Variants in SGCD observed in about 807,000 individuals in gnomAD.
SGCD encodes the protein sarcoglycan delta, also known as delta-sarcoglycan.
A neutral mutation model predicts 36.6 loss-of-function variants in SGCD; 18 were observed. The ratio of observed to expected loss-of-function variants is 0.49; its 90% CI spans 0.34 to 0.73. SGCD has a LOEUF of 0.73. SGCD is among the 30% of genes least tolerant of loss of function. SGCD has a pLI of 0.01. For missense variants in SGCD, 387 were observed against 346.7 expected, an observed-to-expected ratio of 1.12 and a Z score of -0.92; for synonymous variants, 133 against 130.6, an observed-to-expected ratio of 1.02 and a Z score of -0.12.
chr5:155,799,514 CT>C, the SGCD span, among the ~76,000 whole-genome samples: 9 of 151,996 alleles, frequency 5.9e-5, no homozygotes, highest in Middle Eastern at 0.01. Context: ...CCACTTGATC[CT>C]CTTGAATAGC....
chr5:155,911,319 G>GTGTGTGTC (rs145927722), intron 1 of SGCD, among the ~76,000 whole-genome samples: 24 of 141,444 alleles, frequency 1.7e-4, no homozygotes, highest in Non-Finnish European at 3.4e-4. Flanking sequence ...GTGTGTGTGT[G>GTGTGTGTC]TATATATATA....
In SGCD at chr5:156,587,432, C is replaced by T. The variant is rs149905345; in HGVS notation, c.295-1799C>T. Among the ~76,000 whole-genome samples, 24 of 152,248 alleles carry T rather than the reference C, an allele frequency of 1.6e-4. No homozygotes were observed. In the East Asian group the frequency reaches 4.6e-3, roughly 29 times the overall value. On this transcript the variant is annotated intron_variant, in intron 4 of 8. Transcript: ENST00000337851. ...GTCAGCCACATCACATCAAAACAGG[C>T]TGTGATGATATGGTTGCTATCAAAT... is the stretch of plus-strand genomic sequence containing the variant.
At chr5:155,739,951 T>C in the SGCD span, among the ~76,000 whole-genome samples, 1 of 152,236 alleles carries the variant, frequency 6.6e-6, no homozygotes, top group Non-Finnish European at 1.5e-5. Flanking sequence ...GAATTACTAC[T>C]AGACAATTCT....
chr5:156,469,405 C>G (rs1321323617), intron 3 of SGCD, among the ~76,000 whole-genome samples: 1 of 152,158 alleles, frequency 6.6e-6, no homozygotes, highest in Non-Finnish European at 1.5e-5. Context: ...AAATCATTCC[C>G]TAAAATTAGT....
chr5:156,208,680 G>T (rs1764355370), intron 3 of SGCD, among the ~76,000 whole-genome samples: 1 of 152,130 alleles, frequency 6.6e-6, no homozygotes, highest in South Asian at 2.1e-4. Flanking sequence ...GATACTTATT[G>T]TGTTTGGTCT....
the SGCD span, among the ~76,000 whole-genome samples, chr5:155,805,097 T>C: frequency 6.6e-6 from 1 of 152,204 alleles, no homozygotes; most frequent in Non-Finnish European, 1.5e-5. Flanking sequence ...TAGTAGCTAC[T>C]GTATTAGAAA....
At chr5:156,530,840 A>T (rs888364099) in intron 4 of SGCD, among the ~76,000 whole-genome samples, 3 of 151,468 alleles carry the variant, frequency 2.0e-5, no homozygotes, top group Non-Finnish European at 4.4e-5. Context: ...GGCCTCCCAA[A>T]GTGCTGGGAT....
chr5:156,079,778 C>T (rs148875073), intron 1 of SGCD, among the ~76,000 whole-genome samples: 127 of 149,676 alleles, frequency 8.5e-4, no homozygotes, highest in African/African-American at 2.9e-3. Context: ...TTTTAGCTTC[C>T]ACAGCTGCTC....
At chr5:156,056,264 C>T (rs1317114005) in intron 1 of SGCD, among the ~76,000 whole-genome samples, 1 of 145,958 alleles carries the variant, frequency 6.9e-6, no homozygotes, top group Non-Finnish European at 1.5e-5. Context: ...TAGTTTAACT[C>T]TGAAACAAAG....
Position 156,647,468 on chromosome 5 carries a change from G to T in SGCD, c.507G>T (p.Ala169=), listed in dbSNP as rs10071079. The T allele has an allele frequency of 1.3e-6, 2 of 1,580,182 alleles. No homozygotes were observed. Among genetic ancestry groups the T allele is most frequent in the Non-Finnish European group, 1.7e-6 (2 of 1,160,452 alleles). ...VGAERLRVLG[A]EGTVFPKSIE... Reference sequence around the variant, plus strand: ...GCTTTTCTGTTTTGTTTACAGGAGCGGAGGGCACAGTGTTCCCTAAATCTA... The same window carrying T: ...GCTTTTCTGTTTTGTTTACAGGAGCTGAGGGCACAGTGTTCCCTAAATCTA... Residue 169 remains alanine, a synonymous_variant, in exon 7 of 9, where the codon GCG becomes GCT. Coordinates refer to ENST00000337851, the MANE Select transcript of SGCD (RefSeq NM_000337.6).
chr5:156,404,191 A>G (rs1772296956), intron 3 of SGCD, among the ~76,000 whole-genome samples: 1 of 152,158 alleles, frequency 6.6e-6, no homozygotes, highest in African/African-American at 2.4e-5. Flanking sequence ...ATTCTTAAGA[A>G]TGTTGTTCCC....
chr5:155,769,245 G>A, the SGCD span, among the ~76,000 whole-genome samples: 1 of 152,090 alleles, frequency 6.6e-6, no homozygotes, highest in Admixed American at 6.6e-5. Context: ...ATGCTAGAAT[G>A]TATTCCAAAC....
At chr5:156,252,356 C>T (rs373714209) in intron 3 of SGCD, among the ~76,000 whole-genome samples, 94 of 152,142 alleles carry the variant, frequency 6.2e-4, no homozygotes, top group African/African-American at 2.0e-3. Context: ...AGATTACAGG[C>T]GTGAGCCACT....
intron 7 of SGCD, among the ~76,000 whole-genome samples, chr5:156,721,184 G>A (rs1480547027): frequency 1.3e-5 from 2 of 152,150 alleles, no homozygotes; most frequent in African/African-American, 4.8e-5. Context: ...TTAAGTTTGA[G>A]ATGTTTTAAG....
intron 3 of SGCD, among the ~76,000 whole-genome samples, chr5:156,453,842 T>A (rs1754134571): frequency 6.6e-6 from 1 of 152,180 alleles, no homozygotes; most frequent in Non-Finnish European, 1.5e-5. Flanking sequence ...ACCATTACAC[T>A]TCATGAAAGA....
intron 6 of SGCD, among the ~76,000 whole-genome samples, chr5:156,616,504 T>G (rs1410139153): frequency 6.6e-6 from 1 of 152,216 alleles, no homozygotes; most frequent in African/African-American, 2.4e-5. Context: ...TGGATGGTTG[T>G]ATATGAGACA....
At chr5:156,286,681 G>T (rs1037887037) in intron 3 of SGCD, among the ~76,000 whole-genome samples, 1 of 152,136 alleles carries the variant, frequency 6.6e-6, no homozygotes, top group Non-Finnish European at 1.5e-5. Flanking sequence ...TTGTGGGTTG[G>T]GGGAGTGGGG....
At chr5:155,855,792 A>T in the SGCD span, among the ~76,000 whole-genome samples, 5 of 152,106 alleles carry the variant, frequency 3.3e-5, no homozygotes, top group Non-Finnish European at 7.4e-5. Context: ...GAGGGGATGG[A>T]ACTGGGAGTT....
At chr5:156,754,584 T>C (rs1314120524) in intron 7 of SGCD, among the ~76,000 whole-genome samples, 2 of 152,240 alleles carry the variant, frequency 1.3e-5, no homozygotes, top group Non-Finnish European at 2.9e-5. Context: ...AATACAGTTA[T>C]TCTGGAACTA....
Sources: allele counts gnomAD v4.1 joint callset (sites outside exome capture counted in the v4.1 genomes callset), GRCh38; gene constraint gnomAD v4.1.1; transcripts MANE v1.5; gene names NCBI Gene and HGNC (gene_info 2026-07-23, HGNC 2026-07-21).